Variants in WDFY2 observed in about 807,000 individuals in gnomAD.
The protein encoded by WDFY2 is WD repeat and FYVE domain-containing protein 2.
WDFY2 carries 36 observed loss-of-function variants against 56.4 expected under a neutral mutation model. The ratio of observed to expected loss-of-function variants is 0.64; its 90% CI spans 0.49 to 0.84. WDFY2 has a LOEUF of 0.84. Ranked by LOEUF, WDFY2 falls within the 40% of genes least tolerant of loss-of-function variation. The probability of loss-of-function intolerance (pLI) is 0.00; values close to 1 mark genes in which losing one functional copy is unlikely to be tolerated. For synonymous variants in WDFY2, 176 were observed against 183.7 expected, an observed-to-expected ratio of 0.96 and a Z score of 0.34; for missense variants, 444 against 512.2, an observed-to-expected ratio of 0.87 and a Z score of 1.29.
At chr13:51,645,884 T>G (rs1376415001) in intron 1 of WDFY2, among the ~76,000 whole-genome samples, 2 of 152,124 alleles carry the variant, frequency 1.3e-5, no homozygotes, top group African/African-American at 2.4e-5. Context: ...ATGTAGACAG[T>G]TTTCTCTGCA....
chr13:51,591,032 G>C (rs1299528943), intron 1 of WDFY2: 1 of 152,148 alleles, frequency 6.6e-6, no homozygotes, highest in Non-Finnish European at 1.5e-5. Flanking sequence ...TCTGATCTCA[G>C]CTCTACTCTG....
intron 1 of WDFY2, among the ~76,000 whole-genome samples, chr13:51,618,170 A>T (rs545502658): frequency 6.6e-6 from 1 of 152,322 alleles, no homozygotes; most frequent in East Asian, 1.9e-4. Context: ...TGGCAGCACT[A>T]CCTGAAGCAT....
chr13:51,670,178 C>A (rs915925776), intron 2 of WDFY2, among the ~76,000 whole-genome samples: 1 of 151,952 alleles, frequency 6.6e-6, no homozygotes, highest in Non-Finnish European at 1.5e-5. Flanking sequence ...AGAGTTTTGC[C>A]CCTTTGATAT....
At chr13:51,611,789 C>T (rs564328673) in intron 1 of WDFY2, among the ~76,000 whole-genome samples, 3 of 152,218 alleles carry the variant, frequency 2.0e-5, no homozygotes, top group South Asian at 2.1e-4. Context: ...GTCTGCTGGT[C>T]ATAAGGAAGG....
chr13:51,719,135 G>A, intron 4 of WDFY2, 63 bp from the exon 5 acceptor site: 1 of 1,607,032 alleles, frequency 6.2e-7, no homozygotes, highest in Non-Finnish European at 8.5e-7. Flanking sequence ...ATCTCTGTGG[G>A]CCATGTTCTT....
chr13:51,695,020 C>T (rs1001779851), intron 3 of WDFY2, among the ~76,000 whole-genome samples: 6 of 152,218 alleles, frequency 3.9e-5, no homozygotes, highest in African/African-American at 7.2e-5. Flanking sequence ...CAAGCCTTGG[C>T]TTTCAGCTCC....
chr13:51,709,526 AT>A (rs1356034700), intron 4 of WDFY2, among the ~76,000 whole-genome samples: 1 of 152,168 alleles, frequency 6.6e-6, no homozygotes, highest in Non-Finnish European at 1.5e-5. Flanking sequence ...AACAAAATTG[AT>A]AGACCACTAG....
chr13:51,655,321 G>T (rs1233550517), intron 1 of WDFY2, among the ~76,000 whole-genome samples: 1 of 152,016 alleles, frequency 6.6e-6, no homozygotes, highest in Non-Finnish European at 1.5e-5. Context: ...ATGATGTTAA[G>T]TGTGGATTTT....
chr13:51,645,557 C>G (rs2138413762), intron 1 of WDFY2, among the ~76,000 whole-genome samples: 1 of 152,188 alleles, frequency 6.6e-6, no homozygotes, highest in Admixed American at 6.5e-5. Context: ...GAAAAATGAC[C>G]TATATAGATA....
Position 51,751,410 on chromosome 13 carries a change from C to CAGGA in WDFY2, c.827_830dup (p.Thr278GlyfsTer4). On this transcript the variant is annotated frameshift_variant, in exon 8 of 12. Coordinates refer to ENST00000298125, the MANE Select transcript of WDFY2 (RefSeq NM_052950.4). LOFTEE classifies it high-confidence loss of function. Reference sequence around the variant, plus strand: ...CGTCTGGAACATGGACGTGGAGAGGCAGGAGGTAGGTGGCACAGCAGGGTG... The same window carrying CAGGA: ...CGTCTGGAACATGGACGTGGAGAGGCAGGAAGGAGGTAGGTGGCACAGCAGGGTG... The CAGGA allele has an allele frequency of 6.2e-7, 1 of 1,613,936 alleles. No individual in the cohort carries two copies. The highest frequency in any genetic ancestry group is 8.5e-7 in the Non-Finnish European group (1 of 1,179,858).
chr13:51,614,085 C>A (rs1954557094), intron 1 of WDFY2, among the ~76,000 whole-genome samples: 1 of 149,576 alleles, frequency 6.7e-6, no homozygotes, highest in Admixed American at 6.8e-5. Flanking sequence ...ACTTGGGAGG[C>A]TGAGGCAGGA....
At chr13:51,676,708 TGGTAGATCTG>T (rs1181787533) in intron 3 of WDFY2, among the ~76,000 whole-genome samples, 4 of 152,232 alleles carry the variant, frequency 2.6e-5, no homozygotes, top group African/African-American at 9.6e-5. Context: ...CCAATACATT[TGGTAGATCTG>T]TAAACTCTGT....
At chr13:51,703,545 C>A in intron 3 of WDFY2, 51 bp from the exon 4 acceptor site, 1 of 1,341,924 alleles carries the variant, frequency 7.5e-7, no homozygotes, top group Non-Finnish European at 1.0e-6. Context: ...CAAATATAGT[C>A]ATTCACTTAA....
At chr13:51,596,648 CAG>C (rs1375614880) in intron 1 of WDFY2, among the ~76,000 whole-genome samples, 1 of 152,158 alleles carries the variant, frequency 6.6e-6, no homozygotes, top group Non-Finnish European at 1.5e-5. Flanking sequence ...TGGGTAGAGA[CAG>C]AGAAGTTCCA....
chr13:51,745,674 TATCTGACTGTGCTTCCCC>T (rs1420495673), intron 7 of WDFY2, among the ~76,000 whole-genome samples: 1 of 151,078 alleles, frequency 6.6e-6, no homozygotes, highest in Non-Finnish European at 1.5e-5. Context: ...TTTCTCAGTT[TATCTGACTGTGCTTCCCC>T]CCTCCTCCCC....
Position 51,758,207 on chromosome 13 carries a change from C to A in WDFY2, c.1080C>A (p.Ala360=). 6.3e-7 allele frequency: 1 copy of A among 1,578,432 alleles called. No individual in the cohort carries two copies. The highest frequency in any genetic ancestry group is 1.1e-5 in the South Asian group (1 of 87,306). ...AITDEERAPT[A]TFHDSKHNIV... is the part of the protein sequence containing the mutation. ...CTCCTTCTAGACGTGCACCCACAGC[C>A]ACCTTCCATGACAGTAAACATAACA... The change falls in exon 11 of 12, where the codon GCC becomes GCA. Residue 360 remains alanine, a synonymous_variant. Transcript: ENST00000298125.
chr13:51,712,268 T>G (rs1469618477), intron 4 of WDFY2, among the ~76,000 whole-genome samples: 1 of 151,958 alleles, frequency 6.6e-6, no homozygotes, highest in Non-Finnish European at 1.5e-5. Flanking sequence ...GGACACAGGT[T>G]GAGGAACATC....
In WDFY2 at chr13:51,616,283, C is replaced by G. The variant is rs548872951; in HGVS notation, c.137+31459C>G. 2.6e-5 allele frequency among the ~76,000 whole-genome samples: 4 copies of G among 152,232 alleles called. No individual in the cohort carries two copies. In the South Asian group the frequency reaches 6.2e-4, roughly 24 times the overall value. ...GTATAAATTCATGATTCTCATAATG[C>G]CAAAATTCAGATAGCGATTTTTATG... is the stretch of plus-strand genomic sequence containing the variant. On this transcript the variant is annotated intron_variant, in intron 1 of 11. Coordinates refer to ENST00000298125, the MANE Select transcript of WDFY2 (RefSeq NM_052950.4).
Position 51,703,644 on chromosome 13 carries a change from T to A in WDFY2, c.328T>A (p.Tyr110Asn). ...TAACAAGATGACTCCTGTGAAAAAC[T>A]ATCAAGGTAGGGAGTGAGAGGAGTA... Reference protein sequence around the residue: ...DYNKMTPVKNYQAHQSRVTMI... With the variant: ...DYNKMTPVKNNQAHQSRVTMI... Residue 110 changes from tyrosine (Y) to asparagine (N), a missense_variant, in exon 4 of 12, where the codon TAT becomes AAT. Physicochemically the swap from Tyr to Asn is moderately radical, Grantham distance 143. Coordinates refer to ENST00000298125, the MANE Select transcript of WDFY2 (RefSeq NM_052950.4). 1 of 1,610,496 alleles carries A rather than the reference T, an allele frequency of 6.2e-7. No homozygotes were observed.
Sources: allele counts gnomAD v4.1 joint callset (sites outside exome capture counted in the v4.1 genomes callset), GRCh38; gene constraint gnomAD v4.1.1; transcripts MANE v1.5; gene names NCBI Gene and HGNC (gene_info 2026-07-23, HGNC 2026-07-21).